ACBD6: variants seen among roughly 807,000 people sequenced by gnomAD.
ACBD6 encodes acyl-CoA-binding domain-containing protein 6.
In ACBD6, 28 loss-of-function variants were observed where a neutral mutation model predicts 37.2. The observed-to-expected ratio is 0.75, with a 90% CI of 0.56 to 1.03. The LOEUF (loss-of-function observed/expected upper bound fraction) is 1.03, where lower values mean the gene tolerates loss of function less well. Among genes scored for constraint, ACBD6 ranks in the 50% least tolerant of loss-of-function variants. The pLI, the probability that ACBD6 is intolerant of heterozygous loss-of-function variation, is 0.00. For synonymous variants in ACBD6, 113 were observed against 126.8 expected (o/e 0.89, Z 0.73); for missense variants, 340 against 337.4 (o/e 1.01, Z -0.06).
intron 7 of ACBD6, among the ~76,000 whole-genome samples, chr1:180,308,721 T>G (rs1022632653): frequency 1.3e-5 from 2 of 152,208 alleles, no homozygotes; most frequent in Non-Finnish European, 2.9e-5. Flanking sequence ...TCAAGAGGTC[T>G]TATTTCCAGG....
intron 4 of ACBD6, among the ~76,000 whole-genome samples, chr1:180,429,914 C>CTTAT (rs1233293059): frequency 1.3e-5 from 2 of 152,108 alleles, no homozygotes; most frequent in Non-Finnish European, 2.9e-5. Context: ...ATTATTATCA[C>CTTAT]TTATTCAGAC....
intron 1 of ACBD6, among the ~76,000 whole-genome samples, chr1:180,500,513 T>A (rs1278119406): frequency 6.6e-6 from 1 of 151,472 alleles, no homozygotes; most frequent in African/African-American, 2.4e-5. Flanking sequence ...GCGAACATGA[T>A]GAAACCCCGT....
chr1:180,484,875 C>T (rs191481368), intron 3 of ACBD6, among the ~76,000 whole-genome samples: 31 of 151,958 alleles, frequency 2.0e-4, no homozygotes, highest in African/African-American at 6.8e-4. Context: ...ACCAGCCTGG[C>T]CAACATGGTG....
At chr1:180,356,662 T>C (rs1342276935) in intron 6 of ACBD6, among the ~76,000 whole-genome samples, 1 of 151,718 alleles carries the variant, frequency 6.6e-6, no homozygotes, top group Non-Finnish European at 1.5e-5. Context: ...ACCTGGGCAG[T>C]ATGGCGAAAC....
intron 12 of ACBD6, chr1:180,273,136 T>G (rs1254417801): frequency 6.6e-6 from 1 of 152,078 alleles, no homozygotes; most frequent in East Asian, 1.9e-4. Flanking sequence ...GAGGCCTTAT[T>G]TAGGGATTGG....
intron 3 of ACBD6, chr1:180,434,856 C>A: frequency 1.3e-6 from 1 of 751,600 alleles, no homozygotes; most frequent in Non-Finnish European, 2.5e-6. Flanking sequence ...ATGTCTTCAC[C>A]AAGGGTTATG....
downstream of ACBD6, among the ~76,000 whole-genome samples, chr1:180,286,626 T>TGTG (rs4048794): frequency 0.12 from 17,888 of 152,182 alleles, 1,601 homozygotes; most frequent in African/African-American, 0.25. Flanking sequence ...TAGCAAGGAT[T>TGTG]GTGAAAGAAC....
intron 4 of ACBD6, among the ~76,000 whole-genome samples, chr1:180,421,992 C>A (rs1648385054): frequency 6.6e-6 from 1 of 152,100 alleles, no homozygotes; most frequent in Non-Finnish European, 1.5e-5. Context: ...TTACATTTTC[C>A]AGGTATAGAT....
intron 6 of ACBD6, among the ~76,000 whole-genome samples, chr1:180,318,791 T>C (rs1046112574): frequency 1.3e-5 from 2 of 152,180 alleles, no homozygotes; most frequent in African/African-American, 2.4e-5. Context: ...CTCTACCCCA[T>C]AGGTATTGAG....
intron 5 of ACBD6, 126 bp from the exon 6 acceptor site, chr1:180,397,731 TA>T: frequency 1.2e-6 from 1 of 841,524 alleles, no homozygotes. Flanking sequence ...ATGATTGATA[TA>T]AAAAATGCAC....
intron 6 of ACBD6, among the ~76,000 whole-genome samples, chr1:180,354,481 A>G (rs564686536): frequency 1.3e-5 from 2 of 152,310 alleles, no homozygotes; most frequent in African/African-American, 2.4e-5. Context: ...ATGTTTAAAA[A>G]CATGAAAAGA....
At chr1:180,492,399 T>C in intron 2 of ACBD6, 34 bp from the exon 3 acceptor site, 1 of 1,514,132 alleles carries the variant, frequency 6.6e-7, no homozygotes, top group Middle Eastern at 1.7e-4. Context: ...GGCCTGTCAT[T>C]ATGCAAATAA....
chr1:180,346,578 C>G (rs1302195770), intron 6 of ACBD6, among the ~76,000 whole-genome samples: 1 of 152,058 alleles, frequency 6.6e-6, no homozygotes, highest in Non-Finnish European at 1.5e-5. Context: ...ATGAGGGCCT[C>G]AAGTAACTAA....
intron 3 of ACBD6, among the ~76,000 whole-genome samples, chr1:180,477,165 A>G (rs1650830518): frequency 6.6e-6 from 1 of 152,208 alleles, no homozygotes; most frequent in Non-Finnish European, 1.5e-5. Context: ...GAGAGATTTT[A>G]TCACAACAGG....
chr1:180,465,776 A>G (rs1411633608), intron 3 of ACBD6, among the ~76,000 whole-genome samples: 1 of 152,204 alleles, frequency 6.6e-6, no homozygotes, highest in East Asian at 1.9e-4. Context: ...CTTATGAATG[A>G]CAGAGGAGAT....
chr1:180,347,564 C>T (rs1652235572), intron 6 of ACBD6, among the ~76,000 whole-genome samples: 1 of 151,944 alleles, frequency 6.6e-6, no homozygotes, highest in African/African-American at 2.4e-5. Context: ...ACCATGTTGG[C>T]CCAGCTGGTA....
At chr1:180,272,077 C>T in intron 13 of ACBD6, 1 of 1,417,912 alleles carries the variant, frequency 7.1e-7, no homozygotes, top group Non-Finnish European at 9.6e-7. Context: ...CCCTGGCACT[C>T]AGGAGGGATC....
chr1:180,433,923 G>C (rs928152854), intron 3 of ACBD6, among the ~76,000 whole-genome samples: 16 of 152,086 alleles, frequency 1.1e-4, no homozygotes, highest in African/African-American at 3.6e-4. Flanking sequence ...GGAGCCTGGG[G>C]ATAGTGGAAC....
chr1:180,496,484 T>A lies in ACBD6; in HGVS notation c.223-959A>T, dbSNP rs1014238290. Among the ~76,000 whole-genome samples the A allele has an allele frequency of 2.6e-5, 4 of 152,332 alleles. No homozygotes were observed. In the East Asian group the frequency reaches 5.8e-4, roughly 22 times the overall value. Reference sequence around the variant, plus strand: ...CATTACTCTAACTGATGCCTTCATCTAACCAGAATGATCTACTGACTGCCT... The same window carrying A: ...CATTACTCTAACTGATGCCTTCATCAAACCAGAATGATCTACTGACTGCCT... On this transcript the variant is annotated intron_variant, in intron 1 of 7. Transcript: ENST00000367595.
Sources: allele counts gnomAD v4.1 joint callset (sites outside exome capture counted in the v4.1 genomes callset), GRCh38; gene constraint gnomAD v4.1.1; transcripts MANE v1.5; gene names NCBI Gene and HGNC (gene_info 2026-07-23, HGNC 2026-07-21).